CYP27B1: variants seen among roughly 807,000 people sequenced by gnomAD.
CYP27B1 encodes the protein cytochrome P450 family 27 subfamily B member 1.
In CYP27B1, 46 loss-of-function variants were observed where a neutral mutation model predicts 54.8. That is an observed-to-expected ratio of 0.84 (90% confidence interval 0.66 to 1.07). The LOEUF (loss-of-function observed/expected upper bound fraction) is 1.07. CYP27B1 is among the 50% of genes least tolerant of loss of function. The pLI is 0.00. For synonymous variants in CYP27B1, 292 were observed against 297.3 expected, an observed-to-expected ratio of 0.98 and a Z score of 0.18; for missense variants, 674 against 692.2, an observed-to-expected ratio of 0.97 and a Z score of 0.30.
Position 57,765,349 on chromosome 12 carries a change from C to T in CYP27B1, c.537G>A (p.Pro179=). Residue 179 remains proline, a synonymous_variant, in exon 3 of 9, where the codon CCG becomes CCA. Coordinates refer to ENST00000228606, the MANE Select transcript of CYP27B1 (RefSeq NM_000785.4). This position sits in a 1 kb window ranked among gnomAD's most constrained non-coding sequence, Gnocchi z 5.8. ...LRRQRGRGTG[P]PALVRDVAGE... Reference sequence around the variant, plus strand: ...CCGCCACGTCCCGAACCAGGGCGGGCGGCCCCGTGCCACGTCCCCGCTGGC... The same window carrying T: ...CCGCCACGTCCCGAACCAGGGCGGGTGGCCCCGTGCCACGTCCCCGCTGGC... 3 of 1,613,442 alleles carry T rather than the reference C, an allele frequency of 1.9e-6. No individual in the cohort carries two copies. Among genetic ancestry groups the T allele is most frequent in the Non-Finnish European group, 2.5e-6 (3 of 1,179,802 alleles).
Position 57,766,832 on chromosome 12 carries a change from G to A in CYP27B1, c.195+15C>T. On this transcript the variant is annotated intron_variant, in intron 1 of 8. Coordinates refer to ENST00000228606, the MANE Select transcript of CYP27B1 (RefSeq NM_000785.4). Reference sequence around the variant, plus strand: ...TTCCCCAGCACTCTGTCTCGGGAAAGGCGTCCCTTCCTACCTGCAGCTCGT... The same window carrying A: ...TTCCCCAGCACTCTGTCTCGGGAAAAGCGTCCCTTCCTACCTGCAGCTCGT... The A allele has an allele frequency of 6.2e-7, 1 of 1,614,028 alleles. No homozygotes were observed. Among genetic ancestry groups the A allele is most frequent in the Non-Finnish European group, 8.5e-7 (1 of 1,179,882 alleles).
rs1186183517 is a variant in CYP27B1 at position 57,763,708 on chromosome 12, G to A, written c.1316C>T (p.Thr439Ile). 9 of 1,563,228 alleles carry A rather than the reference G, an allele frequency of 5.8e-6. 1 individual carries two copies. The South Asian group carries it at 6.7e-5, about 12-fold the overall frequency. The part of the protein sequence containing the change: ...RPARWLGEGP[T>I]PHPFASLPFG... ...GGGAAGAGATGCAAATGGGTGGGGG[G>A]TGGGACCCTCCCCCAGCCAGCGAGC... is the stretch of plus-strand genomic sequence containing the variant. Residue 439 changes from threonine to isoleucine, a missense_variant, in exon 8 of 9, where the codon ACC (threonine) becomes ATC (isoleucine). Physicochemically the swap from Thr to Ile is moderately conservative, Grantham distance 89. Transcript: ENST00000228606.
In CYP27B1 at chr12:57,763,785, A is replaced by G. The variant is rs1246980867; in HGVS notation, c.1239T>C (p.Tyr413=). The G allele has an allele frequency of 1.2e-6, 2 of 1,614,218 alleles. No individual in the cohort carries two copies. The highest frequency in any genetic ancestry group is 1.7e-5 in the Admixed American group (1 of 60,036). ...ACTGGGCAGGGTCCCTTGAAGTGGC[A>G]TAGTGACACAGAGTGACCAGCGTCT... ...PKNTLVTLCH[Y]ATSRDPAQFP... The change falls in exon 8 of 9, where the codon TAT becomes TAC. Residue 413 remains tyrosine (Y), a synonymous_variant. Coordinates refer to ENST00000228606, the MANE Select transcript of CYP27B1 (RefSeq NM_000785.4).
In CYP27B1 at chr12:57,763,671, G is replaced by C. The variant is rs752504237; in HGVS notation, c.1353C>G (p.Gly451=). The C allele has an allele frequency of 1.9e-6, 3 of 1,613,330 alleles. No individual in the cohort carries two copies. The highest frequency in any genetic ancestry group is 2.5e-6 in the Non-Finnish European group (3 of 1,179,622). ...GGCGTCTCCCCATACAGCTGCGCTTGCCAAAGCCAAAGGGAAGAGATGCAA... is the reference window on the plus strand; with the variant it reads ...GGCGTCTCCCCATACAGCTGCGCTTCCCAAAGCCAAAGGGAAGAGATGCAA... ...HPFASLPFGF[G]KRSCMGRRLA... The change falls in exon 8 of 9, where the codon GGC becomes GGG. Residue 451 remains glycine (G), a synonymous_variant. Coordinates refer to ENST00000228606, the MANE Select transcript of CYP27B1 (RefSeq NM_000785.4).
rs978280352 is a variant in CYP27B1 at position 57,765,527 on chromosome 12, C to A, written c.387-28G>T. Reference sequence around the variant, plus strand: ...GCAGGGTTGAGGAGAGAGTGCGCATCGGGAAGGTGGGGACGGCTCGACGGG... The same window carrying A: ...GCAGGGTTGAGGAGAGAGTGCGCATAGGGAAGGTGGGGACGGCTCGACGGG... On this transcript the variant is annotated intron_variant, in intron 2 of 8. Transcript: ENST00000228606. This position sits in a 1 kb window ranked among gnomAD's most constrained non-coding sequence, Gnocchi z 5.8. 1 of 1,591,664 alleles carries A rather than the reference C, an allele frequency of 6.3e-7. No homozygotes were observed. The highest frequency in any genetic ancestry group is 1.1e-5 in the South Asian group (1 of 87,644).
rs752395227 is a variant in CYP27B1 at position 57,762,561 on chromosome 12, G to C, written c.*581C>G. On this transcript the variant is annotated 3_prime_UTR_variant, in exon 9 of 9. Transcript: ENST00000228606. ...CCTAGGGGCAAGACAAAGAAGGAAG[G>C]GGGTAGACAGAGCCTACTAAGTAAG... 1.2e-5 allele frequency: 2 copies of C among 170,016 alleles called. No individual in the cohort carries two copies. The highest frequency in any genetic ancestry group is 2.6e-5 in the Non-Finnish European group (2 of 77,054). 10.5% of individuals were successfully genotyped at this position (170,016 alleles called of 1,614,324 possible).
At position 57,764,735 on chromosome 12, in the gene CYP27B1, C is replaced by T. The variant is rs1955344325; in HGVS notation, c.963+19G>A. ...GCTAAGCCCTGGAACCGGCTCACAG[C>T]ACGGAGGGAGAACCTCACCGTGTCC... On this transcript the variant is annotated intron_variant, in intron 5 of 8. Transcript: ENST00000228606. 1.2e-6 allele frequency: 2 copies of T among 1,613,918 alleles called. No individual in the cohort carries two copies. Among genetic ancestry groups the T allele is most frequent in the East Asian group, 2.2e-5 (1 of 44,880 alleles).
Position 57,766,105 on chromosome 12 carries a change from C to A in CYP27B1, c.288G>T (p.Glu96Asp). The change falls in exon 2 of 9, where the codon GAG (glutamate) becomes GAT (aspartate). Residue 96 changes from glutamate to aspartate, a missense_variant. Physicochemically the swap from Glu to Asp is conservative, Grantham distance 45. Transcript: ENST00000228606. ...GCCGGGGTCCCTCCTGTCGCAGCAG[C>A]TCCTCGACGAGTGCAGGGGCAGCCA... ...VYVAAPALVE[E>D]LLRQEGPRPE... 6 of 1,546,716 alleles carry A rather than the reference C, an allele frequency of 3.9e-6. No homozygotes were observed. The highest frequency in any genetic ancestry group is 5.2e-6 in the Non-Finnish European group (6 of 1,149,860).
Position 57,764,757 on chromosome 12 carries a change from G to A in CYP27B1, c.960C>T (p.Asp320=). The change falls in exon 5 of 9, where the codon GAC becomes GAT. Residue 320 remains aspartate (D), a synonymous_variant. Coordinates refer to ENST00000228606, the MANE Select transcript of CYP27B1 (RefSeq NM_000785.4). The part of the protein sequence containing the change: ...NVTELLLAGV[D]TVSNTLSWAL... The stretch of plus-strand genomic sequence containing the variant: ...CAGCACGGAGGGAGAACCTCACCGT[G>A]TCCACTCCCGCCAATAGCAACTCTG... 2 of 1,614,042 alleles carry A rather than the reference G, an allele frequency of 1.2e-6. No individual in the cohort carries two copies. Among genetic ancestry groups the A allele is most frequent in the Non-Finnish European group, 1.7e-6 (2 of 1,179,998 alleles).
In CYP27B1 at chr12:57,766,083, G is replaced by A. The variant is rs771215877; in HGVS notation, c.310C>T (p.Arg104Trp). 29 of 1,551,452 alleles carry A rather than the reference G, an allele frequency of 1.9e-5. No individual in the cohort carries two copies. Among genetic ancestry groups the A allele is most frequent in the Admixed American group, 1.7e-4 (9 of 52,096 alleles). The change falls in exon 2 of 9, where the codon CGG (arginine) becomes TGG (tryptophan). Residue 104 changes from arginine to tryptophan, a missense_variant. Transcript: ENST00000228606. ...VEELLRQEGPRPERCSFSPWT... is the reference protein window; with the variant it reads ...VEELLRQEGPWPERCSFSPWT... ...GGCGAGAAGCTGCAGCGCTCGGGCC[G>A]GGGTCCCTCCTGTCGCAGCAGCTCC... is the stretch of plus-strand genomic sequence containing the variant.
At position 57,766,913 on chromosome 12, in the gene CYP27B1, G is replaced by A. The variant is rs1404429156; in HGVS notation, c.129C>T (p.Pro43=). The change falls in exon 1 of 9, where the codon CCC becomes CCT. Residue 43 remains proline, a synonymous_variant. Transcript: ENST00000228606. ...GTTCGGCCAGAAAGCTGGGCGTAGA[G>A]GGGCCTGGGATGTCTGCCAAGCTCC... The part of the protein sequence containing the change: ...ARRSLADIPG[P]STPSFLAELF... 3.1e-6 allele frequency: 5 copies of A among 1,614,086 alleles called. No homozygotes were observed. In the African/African-American group the frequency reaches 5.3e-5, roughly 17 times the overall value.
At chr12:57,763,860 A>C in intron 7 of CYP27B1, 52 bp from the exon 8 acceptor site, 1 of 1,563,570 alleles carries the variant, frequency 6.4e-7, no homozygotes, top group Non-Finnish European at 8.8e-7. Flanking sequence ...TAGGGCAGGC[A>C]TGAAGAAGAG....
Position 57,765,960 on chromosome 12 carries a change from A to G in CYP27B1, c.386+47T>C. ...ATAGTTTCGGGACCCGCAGCAGGAG[A>G]GGGCCGCTGCAGGGCGTCTGGGCTT... On this transcript the variant is annotated intron_variant, in intron 2 of 8. Coordinates refer to ENST00000228606, the MANE Select transcript of CYP27B1 (RefSeq NM_000785.4). The surrounding 1 kb of genome is among the most constrained non-coding windows in gnomAD (Gnocchi z 5.8). 1 of 1,498,660 alleles carries G rather than the reference A, an allele frequency of 6.7e-7. No individual in the cohort carries two copies. 92.8% of individuals were successfully genotyped at this position (1,498,660 alleles called of 1,614,324 possible).
chr12:57,766,971 G>A lies in CYP27B1; in HGVS notation c.71C>T (p.Ser24Phe), dbSNP rs774009424. 5.0e-6 allele frequency: 8 copies of A among 1,614,192 alleles called. No individual in the cohort carries two copies. The highest frequency in any genetic ancestry group is 6.8e-6 in the Non-Finnish European group (8 of 1,180,018). Residue 24 changes from serine (S) to phenylalanine (F), a missense_variant, in exon 1 of 9, where the codon TCC (serine) becomes TTC (phenylalanine). By Grantham distance (155) the Ser-to-Phe change is radical. Coordinates refer to ENST00000228606, the MANE Select transcript of CYP27B1 (RefSeq NM_000785.4). ...RVRWAPELGASLGYREYHSAR... is the reference protein window; with the variant it reads ...RVRWAPELGAFLGYREYHSAR... Reference sequence around the variant, plus strand: ...TGAGTGGTACTCTCGGTAGCCTAGGGAGGCGCCCAACTCGGGCGCCCAGCG... The same window carrying A: ...TGAGTGGTACTCTCGGTAGCCTAGGAAGGCGCCCAACTCGGGCGCCCAGCG...
Position 57,764,478 on chromosome 12 carries a change from C to G in CYP27B1, c.1036G>C (p.Glu346Gln). 6.2e-7 allele frequency: 1 copy of G among 1,614,202 alleles called. No homozygotes were observed. The change falls in exon 6 of 9, where the codon GAG (glutamate) becomes CAG (glutamine). Residue 346 changes from glutamate (E) to glutamine (Q), a missense_variant. Transcript: ENST00000228606. ...HPEVQTALHS[E>Q]ITAALSPGSS... is the part of the protein sequence containing the mutation. ...CCAGGGCTCAGGGCAGCTGTGATCT[C>G]TGAGTGGAGTGCTGTCTGGACTTCG...
intron 7 of CYP27B1, 55 bp from the exon 8 acceptor site, chr12:57,763,863 AAGAAGAGG>A: frequency 1.3e-6 from 2 of 1,555,858 alleles, no homozygotes; most frequent in Non-Finnish European, 1.8e-6. Flanking sequence ...GGCAGGCATG[AAGAAGAGG>A]ATATTCAGAC....
At chr12:57,764,659 T>C (rs539747491) in intron 5 of CYP27B1, 95 bp downstream of exon 5, 105 of 1,592,100 alleles carry the variant, frequency 6.6e-5, no homozygotes, top group Middle Eastern at 1.7e-4. Flanking sequence ...CTGGTCTACG[T>C]GGCCATAATG....
At chr12:57,764,628 G>A (rs1595117892) in intron 5 of CYP27B1, 78 bp from the exon 6 acceptor site, 5 of 1,587,780 alleles carry the variant, frequency 3.1e-6, no homozygotes, top group Middle Eastern at 1.7e-4. Flanking sequence ...AGAGTCTGGG[G>A]CTACAGGGTG....
chr12:57,765,603 T>C lies in CYP27B1; in HGVS notation c.387-104A>G, dbSNP rs1049886300. On this transcript the variant is annotated intron_variant, in intron 2 of 8. Transcript: ENST00000228606. The surrounding 1 kb of genome is among the most constrained non-coding windows in gnomAD (Gnocchi z 5.8). Reference sequence around the variant, plus strand: ...CGGCTGCGGTGGCCAGGAGAGGGATTGCGTCTGCCCCCTTGGGGTACGGAA... The same window carrying C: ...CGGCTGCGGTGGCCAGGAGAGGGATCGCGTCTGCCCCCTTGGGGTACGGAA... The C allele has an allele frequency of 1.4e-5, 17 of 1,211,198 alleles. No homozygotes were observed. The highest frequency in any genetic ancestry group is 2.0e-5 in the Non-Finnish European group (17 of 836,468). 75.0% of individuals were successfully genotyped at this position (1,211,198 alleles called of 1,614,324 possible).
Sources: allele counts gnomAD v4.1 joint callset, GRCh38; gene constraint gnomAD v4.1.1; non-coding constraint Gnocchi (gnomAD v3.1); transcripts MANE v1.5; gene names NCBI Gene and HGNC (gene_info 2026-07-23, HGNC 2026-07-21).